Variants in TTLL9 observed in about 807,000 individuals in gnomAD.
TTLL9 encodes the protein probable tubulin polyglutamylase TTLL9.
Under a neutral mutation model 65.6 loss-of-function variants are expected in TTLL9, and 47 were observed. That is an observed-to-expected ratio of 0.72 (90% confidence interval 0.57 to 0.91). TTLL9 has a LOEUF of 0.91. TTLL9 is among the 40% of genes least tolerant of loss of function. The pLI is 0.00. For synonymous variants in TTLL9, 179 were observed against 204.8 expected, an observed-to-expected ratio of 0.87 and a Z score of 1.07; for missense variants, 537 against 568.8, an observed-to-expected ratio of 0.94 and a Z score of 0.57.
chr20:31,925,113 G>C (rs2063878392), intron 9 of TTLL9, 64 bp downstream of exon 9: 2 of 1,544,094 alleles, frequency 1.3e-6, no homozygotes, highest in Non-Finnish European at 1.8e-6. Context: ...CTAGGGAGAT[G>C]GGGGGAAGAG....
At chr20:31,934,139 G>A (rs558126791) in intron 11 of TTLL9, among the ~76,000 whole-genome samples, 8 of 152,350 alleles carry the variant, frequency 5.3e-5, no homozygotes, top group East Asian at 1.9e-4. Context: ...ATTGGTCAAC[G>A]GATTAATCGA....
Position 31,898,469 on chromosome 20 carries a change from G to A in TTLL9, c.114-4G>A. On this transcript the variant is annotated splice_polypyrimidine_tract_variant and splice_region_variant and intron_variant, in intron 3 of 14. Coordinates refer to ENST00000535842, the MANE Select transcript of TTLL9 (RefSeq NM_001008409.5). ...GAGCAAATGTTCATTGCCTTGTCTT[G>A]CAGAGAGCAGAGAGCATCGATCCGG... The A allele has an allele frequency of 1.3e-5, 21 of 1,613,758 alleles. No homozygotes were observed. Among genetic ancestry groups the A allele is most frequent in the Non-Finnish European group, 1.8e-5 (21 of 1,179,714 alleles).
Position 31,939,182 on chromosome 20 carries a change from A to C in TTLL9, c.1159A>C (p.Met387Leu), listed in dbSNP as rs563482354. 1.2e-6 allele frequency: 2 copies of C among 1,610,704 alleles called. No homozygotes were observed. Among genetic ancestry groups the C allele is most frequent in the Non-Finnish European group, 1.7e-6 (2 of 1,178,538 alleles). ...GAAGCGAGTCGGGGGCTTTGACCTCATGTGGAATGATGGCCCTGTTAGCAG... is the reference window on the plus strand; with the variant it reads ...GAAGCGAGTCGGGGGCTTTGACCTCCTGTGGAATGATGGCCCTGTTAGCAG... The part of the protein sequence containing the change: ...REKRVGGFDL[M>L]WNDGPVSREE... Residue 387 changes from methionine (M) to leucine (L), a missense_variant, in exon 14 of 15, where the codon ATG (methionine) becomes CTG (leucine). By Grantham distance (15) the Met-to-Leu change is conservative. Around this residue, in one of 3 missense-constraint regions of TTLL9, gnomAD observed 205 missense variants for 225.9 expected, o/e 0.91. Transcript: ENST00000535842.
chr20:31,929,743 G>A (rs1161157028), intron 10 of TTLL9, among the ~76,000 whole-genome samples: 5 of 152,162 alleles, frequency 3.3e-5, no homozygotes, highest in Non-Finnish European at 7.4e-5. Context: ...ACCTTTTACA[G>A]TATTAAGATT....
chr20:31,927,128 ATC>A (rs141502300), intron 10 of TTLL9, among the ~76,000 whole-genome samples: 1,725 of 148,998 alleles, frequency 0.012, 33 homozygotes, highest in African/African-American at 0.041. Flanking sequence ...AAAAAAAAAA[ATC>A]TCTCTCTCTC....
chr20:31,881,435 A>G (rs769804247), intron 2 of TTLL9, among the ~76,000 whole-genome samples: 1 of 152,136 alleles, frequency 6.6e-6, no homozygotes, highest in Non-Finnish European at 1.5e-5. Flanking sequence ...TGACTCCTCC[A>G]TCTTCCTCAC....
intron 2 of TTLL9, among the ~76,000 whole-genome samples, chr20:31,872,506 G>C (rs1433776319): frequency 6.9e-6 from 1 of 145,906 alleles, no homozygotes; most frequent in Non-Finnish European, 1.5e-5. Context: ...GGGAGACCCT[G>C]CTTTTACAAA....
chr20:31,879,577 G>C, intron 2 of TTLL9: 1 of 403,330 alleles, frequency 2.5e-6, no homozygotes, highest in South Asian at 4.8e-5. Flanking sequence ...CCAGTTTAAG[G>C]AAAGTGCAGT....
intron 6 of TTLL9, among the ~76,000 whole-genome samples, chr20:31,911,491 A>G (rs1226185699): frequency 2.0e-5 from 3 of 152,100 alleles, no homozygotes; most frequent in Non-Finnish European, 4.4e-5. Flanking sequence ...GACAAAAACA[A>G]TGGATGCTCC....
intron 3 of TTLL9, among the ~76,000 whole-genome samples, chr20:31,889,364 A>G: frequency 6.6e-6 from 1 of 151,594 alleles, no homozygotes; most frequent in African/African-American, 2.4e-5. Context: ...AGGCTCATGC[A>G]ATCCTCCCAT....
chr20:31,893,999 C>G (rs182433299), intron 3 of TTLL9, among the ~76,000 whole-genome samples: 5 of 151,550 alleles, frequency 3.3e-5, no homozygotes, highest in Admixed American at 2.6e-4. Flanking sequence ...TTCAAATGTA[C>G]GGTTTTTCCT....
In TTLL9 at chr20:31,925,842, T is replaced by C. The variant is rs1050202238; in HGVS notation, c.706-207T>C. 2.6e-6 allele frequency: 4 copies of C among 1,520,850 alleles called. No homozygotes were observed. In the African/African-American group the frequency reaches 5.5e-5, roughly 21 times the overall value. 94.2% of individuals were successfully genotyped at this position (1,520,850 alleles called of 1,614,324 possible). ...AGTGCCTGTATATATTCCCTTTCCC[T>C]TCTCTCTCTCTCTTCCCACCTCTGC... On this transcript the variant is annotated intron_variant, in intron 9 of 14. Transcript: ENST00000535842.
rs3220144 is a variant in TTLL9, at chr20:31,889,038, G to GCACACA, written c.113+1822_113+1827dup. Among the ~76,000 whole-genome samples, 32 of 147,352 alleles carry GCACACA rather than the reference G, an allele frequency of 2.2e-4. 2 individuals carry two copies. Among genetic ancestry groups the GCACACA allele is most frequent in the East Asian group, 2.0e-3 (10 of 4,896 alleles). ...GGCCCCATCTACTTATTTTATAAAG[G>GCACACA]CACACACACACACACACACACACAC... On this transcript the variant is annotated intron_variant, in intron 3 of 14. Coordinates refer to ENST00000535842, the MANE Select transcript of TTLL9 (RefSeq NM_001008409.5).
At chr20:31,892,182 C>CTT (rs199589961) in intron 3 of TTLL9, among the ~76,000 whole-genome samples, 7 of 125,422 alleles carry the variant, frequency 5.6e-5, no homozygotes, top group Non-Finnish European at 8.7e-5. Context: ...CATAAACTTT[C>CTT]TTTTTTTTTT....
rs1038963621 is a variant in TTLL9 at position 31,944,074 on chromosome 20, A to T, written c.*1053A>T. The T allele has an allele frequency of 3.0e-6, 1 of 334,484 alleles. No individual in the cohort carries two copies. The highest frequency in any genetic ancestry group is 6.0e-6 in the Non-Finnish European group (1 of 168,008). 20.7% of individuals were successfully genotyped at this position (334,484 alleles called of 1,614,324 possible). On this transcript the variant is annotated 3_prime_UTR_variant, in exon 15 of 15. Transcript: ENST00000535842. ...TGGAAGGAAAATACTGGCAAATCCA[A>T]GAAGTGAACCAGCCGACTTTAGGAA...
intron 2 of TTLL9, among the ~76,000 whole-genome samples, chr20:31,879,232 G>A (rs113986516): frequency 0.027 from 4,171 of 152,224 alleles, 211 homozygotes; most frequent in African/African-American, 0.095. Flanking sequence ...GAAGCAGGAG[G>A]ATCACTTGAG....
intron 2 of TTLL9, among the ~76,000 whole-genome samples, chr20:31,881,579 T>C (rs1239140189): frequency 6.6e-6 from 1 of 151,086 alleles, no homozygotes. Flanking sequence ...ACTCTTTAAA[T>C]ACACAGATTG....
chr20:31,919,755 G>C (rs533435352), intron 6 of TTLL9, 109 bp from the exon 7 acceptor site: 12 of 855,798 alleles, frequency 1.4e-5, no homozygotes, highest in Admixed American at 1.3e-4. Flanking sequence ...AGAGTTGGGG[G>C]TTCATAAGGA....
At chr20:31,927,535 G>T (rs914728076) in intron 10 of TTLL9, among the ~76,000 whole-genome samples, 1 of 146,906 alleles carries the variant, frequency 6.8e-6, no homozygotes, top group Non-Finnish European at 1.5e-5. Context: ...CCTTTGGGAA[G>T]AGAAATGTTA....
Sources: allele counts gnomAD v4.1 joint callset (sites outside exome capture counted in the v4.1 genomes callset), GRCh38; gene constraint gnomAD v4.1.1; regional missense constraint gnomAD v4.1.1; transcripts MANE v1.5; gene names NCBI Gene and HGNC (gene_info 2026-07-23, HGNC 2026-07-21).